ZNF280B: variants seen among roughly 807,000 people sequenced by gnomAD.
The protein encoded by ZNF280B is suppressor of hairy wing homolog 2.
A neutral mutation model predicts 38.0 loss-of-function variants in ZNF280B; 16 were observed. That is an observed-to-expected ratio of 0.42 (90% confidence interval 0.28 to 0.64). The LOEUF (loss-of-function observed/expected upper bound fraction) is 0.64, where lower values mean the gene tolerates loss of function less well. ZNF280B is among the 30% of genes least tolerant of loss of function. ZNF280B has a pLI of 0.21. For missense variants in ZNF280B, 581 were observed against 639.6 expected (o/e 0.91, Z 0.99); for synonymous variants, 253 against 230.6 (o/e 1.10, Z -0.88).
At position 22,486,185 on chromosome 22, in the gene ZNF280B, C is replaced by T. The variant is rs1312270547; in HGVS notation, c.*1582G>A. 1 of 152,002 alleles carries T rather than the reference C, an allele frequency of 6.6e-6. No homozygotes were observed. The highest frequency in any genetic ancestry group is 2.4e-5 in the African/African-American group (1 of 41,406). The allele number at this position is 152,002 out of a possible 1,614,324, so 9.4% of individuals were successfully genotyped here. ...AACAGAATAGCTGCAAGCTGTAATACATTCATGTCCAAAGCAAGACATAAA... is the reference window on the plus strand; with the variant it reads ...AACAGAATAGCTGCAAGCTGTAATATATTCATGTCCAAAGCAAGACATAAA... On this transcript the variant is annotated 3_prime_UTR_variant, in exon 4 of 4. Coordinates refer to ENST00000626650, the MANE Select transcript of ZNF280B (RefSeq NM_080764.4).
At position 22,487,944 on chromosome 22, in the gene ZNF280B, CA is replaced by C. The variant is rs2061524015; in HGVS notation, c.1454del (p.Met485SerfsTer8). The part of the protein sequence containing the change: ...KMEHKTQCHQ[M>X]FKKPKQLEGL... ...CTTCTAGTTGCTTAGGCTTCTTAAA[CA>C]TTTGATGACACTGGGTCTTGTGCTC... On this transcript the variant is annotated frameshift_variant, in exon 4 of 4. Coordinates refer to ENST00000626650, the MANE Select transcript of ZNF280B (RefSeq NM_080764.4). LOFTEE classifies it high-confidence loss of function. 6.2e-7 allele frequency: 1 copy of C among 1,613,614 alleles called. No individual in the cohort carries two copies. Among genetic ancestry groups the C allele is most frequent in the Admixed American group, 1.7e-5 (1 of 59,926 alleles).
chr22:22,500,438 G>A (rs2061793632), intron 2 of ZNF280B, among the ~76,000 whole-genome samples: 2 of 151,756 alleles, frequency 1.3e-5, no homozygotes, highest in South Asian at 4.2e-4. Flanking sequence ...TCTGTCACAT[G>A]CTACATGTTT....
At chr22:22,499,606 C>T (rs2061775853) in intron 2 of ZNF280B, among the ~76,000 whole-genome samples, 1 of 151,998 alleles carries the variant, frequency 6.6e-6, no homozygotes, top group African/African-American at 2.4e-5. Flanking sequence ...CACCTGCCTG[C>T]AGAAAAAACA....
At chr22:22,508,056 A>G (rs1410992561) in intron 1 of ZNF280B, among the ~76,000 whole-genome samples, 186 bp from the exon 2 acceptor site, 1 of 151,804 alleles carries the variant, frequency 6.6e-6, no homozygotes, top group African/African-American at 2.4e-5. Context: ...AAAACGTCCC[A>G]CCCGCCAACT....
chr22:22,495,372 G>A lies in ZNF280B; in HGVS notation c.-186-1192C>T, dbSNP rs140293344. ...CTGCTTTAGGCACTTGAGAGAAATCGGTAAACATTAACAGACAGAAATGAA... is the reference window on the plus strand; with the variant it reads ...CTGCTTTAGGCACTTGAGAGAAATCAGTAAACATTAACAGACAGAAATGAA... On this transcript the variant is annotated intron_variant, in intron 2 of 3. Coordinates refer to ENST00000626650, the MANE Select transcript of ZNF280B (RefSeq NM_080764.4). Among the ~76,000 whole-genome samples the A allele has an allele frequency of 5.9e-5, 9 of 151,948 alleles. No homozygotes were observed. The East Asian group carries it at 7.8e-4, about 13-fold the overall frequency.
chr22:22,491,339 T>A (rs1293004681), intron 3 of ZNF280B, among the ~76,000 whole-genome samples: 4 of 144,546 alleles, frequency 2.8e-5, no homozygotes, highest in African/African-American at 5.0e-5. Flanking sequence ...ACCAATAGTT[T>A]AAAAAAAAAA....
rs1208063365 is a variant in ZNF280B, at chr22:22,484,657, G to A, written c.*3110C>T. On this transcript the variant is annotated 3_prime_UTR_variant, in exon 4 of 4. Transcript: ENST00000626650. ...CAATAGAAAAACAGAGAAAGCTCCT[G>A]AAAGAACTCACTATATTAATTTTCA... The A allele has an allele frequency of 6.6e-6, 1 of 152,302 alleles. No homozygotes were observed. The highest frequency in any genetic ancestry group is 1.5e-5 in the Non-Finnish European group (1 of 67,992). 9.4% of individuals were successfully genotyped at this position (152,302 alleles called of 1,614,324 possible). A position where few individuals can be genotyped will look rare whatever the true frequency, so the allele number is the denominator to read the frequency against.
intron 2 of ZNF280B, among the ~76,000 whole-genome samples, chr22:22,502,357 A>T (rs557032464): frequency 6.6e-6 from 1 of 151,976 alleles, no homozygotes; most frequent in Non-Finnish European, 1.5e-5. Flanking sequence ...GTGATAATAT[A>T]AACTTGTACT....
At chr22:22,497,968 T>A (rs554467988) in intron 2 of ZNF280B, among the ~76,000 whole-genome samples, 1 of 151,920 alleles carries the variant, frequency 6.6e-6, no homozygotes, top group Non-Finnish European at 1.5e-5. Context: ...TGTCCATCAA[T>A]GGATGAATGG....
chr22:22,506,696 ACTT>A (rs987558579), intron 2 of ZNF280B, among the ~76,000 whole-genome samples: 3 of 151,892 alleles, frequency 2.0e-5, no homozygotes, highest in Non-Finnish European at 2.9e-5. Flanking sequence ...GAGATAGAAA[ACTT>A]AACCCTAGAC....
intron 2 of ZNF280B, among the ~76,000 whole-genome samples, chr22:22,501,035 A>AAAAAC (rs1555943987): frequency 0.11 from 15,013 of 140,322 alleles, 1,067 homozygotes; most frequent in South Asian, 0.26. Flanking sequence ...AAAAAAAAAA[A>AAAAAC]AAAAAACAAA....
rs574282840 is a variant in ZNF280B at position 22,503,510 on chromosome 22, A to C, written c.-187+4300T>G. Among the ~76,000 whole-genome samples the C allele has an allele frequency of 4.1e-4, 62 of 152,108 alleles. 3 individuals carry two copies. The South Asian group carries it at 0.012, about 31-fold the overall frequency. ...ACTCAATTCGTAGCAAGGATAATGGAACAATGCAAGCTCATCTAGCGAACA... is the reference window on the plus strand; with the variant it reads ...ACTCAATTCGTAGCAAGGATAATGGCACAATGCAAGCTCATCTAGCGAACA... On this transcript the variant is annotated intron_variant, in intron 2 of 3. Transcript: ENST00000626650.
chr22:22,487,811 A>G lies in ZNF280B; in HGVS notation c.1588T>C (p.Ser530Pro). The change falls in exon 4 of 4, where the codon TCA (serine) becomes CCA (proline). Residue 530 changes from serine to proline, a missense_variant. Transcript: ENST00000626650. ...ITVSTSDSEP[S>P]LPRSKSKISK... ...ATTTTGCTTTTAGACCTGGGGAGTG[A>G]TGGTTCAGAGTCAGATGTGCTCACA... is the stretch of plus-strand genomic sequence containing the variant. 6.2e-7 allele frequency: 1 copy of G among 1,606,132 alleles called. No individual in the cohort carries two copies.
chr22:22,494,746 G>GC (rs1555939353), intron 2 of ZNF280B, among the ~76,000 whole-genome samples: 3 of 151,274 alleles, frequency 2.0e-5, no homozygotes, highest in Admixed American at 6.6e-5. Flanking sequence ...ATTGTTTTTT[G>GC]TTTTTTTTGA....
At chr22:22,490,111 T>C (rs574682197) in intron 3 of ZNF280B, among the ~76,000 whole-genome samples, 13 of 152,076 alleles carry the variant, frequency 8.5e-5, no homozygotes, top group African/African-American at 2.2e-4. Context: ...ACAATGTCAA[T>C]TGCCAGGCAG....
At chr22:22,497,077 CA>C (rs2061711955) in intron 2 of ZNF280B, among the ~76,000 whole-genome samples, 1 of 150,878 alleles carries the variant, frequency 6.6e-6, no homozygotes, top group Non-Finnish European at 1.5e-5. Context: ...CTTAGGCTCC[CA>C]AAGTACTGGA....
chr22:22,506,849 G>A (rs903213669), intron 2 of ZNF280B, among the ~76,000 whole-genome samples: 3 of 151,954 alleles, frequency 2.0e-5, no homozygotes, highest in Admixed American at 6.6e-5. Flanking sequence ...TTAAATGGTG[G>A]ATAAATGGTT....
chr22:22,498,050 T>C (rs1463003521), intron 2 of ZNF280B, among the ~76,000 whole-genome samples: 1 of 151,952 alleles, frequency 6.6e-6, no homozygotes, highest in Non-Finnish European at 1.5e-5. Flanking sequence ...TACTGATACA[T>C]GCTACAACAG....
At position 22,487,792 on chromosome 22, in the gene ZNF280B, C is replaced by T. The variant is rs774506085; in HGVS notation, c.1607G>A (p.Ser536Asn). Reference sequence around the variant, plus strand: ...TTAATGGGACTTTTTTGAAATTTTGCTTTTAGACCTGGGGAGTGATGGTTC... The same window carrying T: ...TTAATGGGACTTTTTTGAAATTTTGTTTTTAGACCTGGGGAGTGATGGTTC... ...DSEPSLPRSK[S>N]KISKKSH The change falls in exon 4 of 4, where the codon AGC becomes AAC. Residue 536 changes from serine (S) to asparagine (N), a missense_variant. Coordinates refer to ENST00000626650, the MANE Select transcript of ZNF280B (RefSeq NM_080764.4). The T allele has an allele frequency of 3.2e-6, 5 of 1,576,024 alleles. No individual in the cohort carries two copies. In the South Asian group the frequency reaches 3.5e-5, roughly 11 times the overall value.
Sources: gnomAD v4.1 joint callset for allele counts (sites outside exome capture counted in the v4.1 genomes callset) on GRCh38, gnomAD v4.1.1 for gene constraint, MANE v1.5 for transcripts, NCBI Gene and HGNC (gene_info 2026-07-23, HGNC 2026-07-21) for gene names.